NTNG1: variants seen among roughly 807,000 people sequenced by gnomAD.
NTNG1 encodes netrin-G1.
In NTNG1, 16 loss-of-function variants were observed where a neutral mutation model predicts 54.0. The observed-to-expected ratio is 0.30, with a 90% confidence interval of 0.20 to 0.45. The LOEUF is 0.45. Among genes scored for constraint, NTNG1 ranks in the 20% least tolerant of loss-of-function variants. The pLI is 1.00. For synonymous variants in NTNG1, 255 were observed against 263.1 expected, an observed-to-expected ratio of 0.97 and a Z score of 0.30; for missense variants, 530 against 678.7, an observed-to-expected ratio of 0.78 and a Z score of 2.43.
At chr1:107,287,270 A>T (rs1665257344) in intron 2 of NTNG1, among the ~76,000 whole-genome samples, 1 of 152,224 alleles carries the variant, frequency 6.6e-6, no homozygotes, top group African/African-American at 2.4e-5. Flanking sequence ...CAATAAAAAA[A>T]AAGGCGATGA....
chr1:107,347,928 C>T (rs968541860), intron 3 of NTNG1, among the ~76,000 whole-genome samples: 11 of 152,076 alleles, frequency 7.2e-5, no homozygotes, highest in African/African-American at 2.7e-4. Flanking sequence ...GATCCAATTA[C>T]TTCCACTTGG....
chr1:107,255,142 G>A (rs572804239), intron 2 of NTNG1, among the ~76,000 whole-genome samples: 53 of 152,226 alleles, frequency 3.5e-4, no homozygotes, highest in African/African-American at 1.3e-3. Context: ...AACCAAAATA[G>A]TAAAATAATT....
chr1:107,198,080 A>G (rs1316153482), intron 2 of NTNG1, among the ~76,000 whole-genome samples: 3 of 152,006 alleles, frequency 2.0e-5, no homozygotes, highest in Non-Finnish European at 4.4e-5. Flanking sequence ...TTTCAGTAAA[A>G]TTTAAAATGT....
At chr1:107,246,331 G>T (rs1474291265) in intron 2 of NTNG1, among the ~76,000 whole-genome samples, 2 of 151,754 alleles carry the variant, frequency 1.3e-5, no homozygotes, top group Admixed American at 1.3e-4. Flanking sequence ...GGGATTACAG[G>T]CTTGAGTTTA....
At chr1:107,408,341 T>C (rs1192133743) in intron 5 of NTNG1, 1 of 156,136 alleles carries the variant, frequency 6.4e-6, no homozygotes, top group Admixed American at 6.3e-5. Context: ...TAGCTTTGAG[T>C]TTGATATAGA....
intron 7 of NTNG1, among the ~76,000 whole-genome samples, chr1:107,474,283 T>G (rs1678172308): frequency 6.6e-6 from 1 of 152,108 alleles, no homozygotes; most frequent in African/African-American, 2.4e-5. Context: ...CAGAATAAGT[T>G]TAGAGTTTTC....
At chr1:107,312,887 A>G (rs146475071) in intron 2 of NTNG1, among the ~76,000 whole-genome samples, 1 of 152,176 alleles carries the variant, frequency 6.6e-6, no homozygotes, top group African/African-American at 2.4e-5. Context: ...CAATAGAAAT[A>G]CCTTTTTTTT....
At position 107,166,752 on chromosome 1, in the gene NTNG1, A is replaced by G. The variant is rs113119434; in HGVS notation, c.246+17913A>G. 7.1e-3 allele frequency among the ~76,000 whole-genome samples: 1,083 copies of G among 152,226 alleles called. 10 individuals carry two copies. Among genetic ancestry groups the G allele is most frequent in the African/African-American group, 0.025 (1,023 of 41,538 alleles). On this transcript the variant is annotated intron_variant, in intron 2 of 7. Transcript: ENST00000370068. The stretch of plus-strand genomic sequence containing the variant: ...GACTGTGAAACCAAAAGTACAAGAA[A>G]AAGTCACTCTTAATAACATACCAGA...
At chr1:107,164,863 C>T (rs184113999) in intron 2 of NTNG1, among the ~76,000 whole-genome samples, 68 of 152,264 alleles carry the variant, frequency 4.5e-4, no homozygotes, top group African/African-American at 1.4e-3. Context: ...GTGCAACTTG[C>T]GACTGAATAA....
chr1:107,423,767 A>T (rs1336025949), intron 5 of NTNG1, among the ~76,000 whole-genome samples: 1 of 152,136 alleles, frequency 6.6e-6, no homozygotes, highest in Admixed American at 6.6e-5. Flanking sequence ...CAGCTAAAAT[A>T]ATCACTAACT....
At chr1:107,310,986 G>A (rs757184049) in intron 2 of NTNG1, among the ~76,000 whole-genome samples, 2 of 152,042 alleles carry the variant, frequency 1.3e-5, no homozygotes, top group Non-Finnish European at 2.9e-5. Context: ...AATCAACCTC[G>A]GAACTCAGGT....
chr1:107,378,407 TA>T (rs1170795923), intron 3 of NTNG1, among the ~76,000 whole-genome samples: 87 of 152,192 alleles, frequency 5.7e-4, no homozygotes, highest in African/African-American at 2.0e-3. Context: ...GACCGGAATG[TA>T]AAAATCAGGG....
chr1:107,185,481 A>G (rs1657384474), intron 2 of NTNG1, among the ~76,000 whole-genome samples: 1 of 152,114 alleles, frequency 6.6e-6, no homozygotes, highest in Admixed American at 6.6e-5. Flanking sequence ...TTCTTCTTAG[A>G]AGGACACAAA....
At chr1:107,437,928 T>C (rs1397315459) in intron 7 of NTNG1, among the ~76,000 whole-genome samples, 1 of 152,164 alleles carries the variant, frequency 6.6e-6, no homozygotes, top group African/African-American at 2.4e-5. Context: ...TTTGCTTGCT[T>C]TTCACTTGAA....
intron 3 of NTNG1, among the ~76,000 whole-genome samples, chr1:107,333,190 A>T (rs374181900): frequency 6.6e-6 from 1 of 152,156 alleles, no homozygotes. Context: ...TTTTAAAATC[A>T]TTATCTACCT....
At chr1:107,368,241 C>T (rs1379461458) in intron 3 of NTNG1, among the ~76,000 whole-genome samples, 1 of 151,960 alleles carries the variant, frequency 6.6e-6, no homozygotes, top group Non-Finnish European at 1.5e-5. Context: ...TCCTTCTTTT[C>T]CTTCTCCCCC....
chr1:107,439,541 G>A (rs572832357), intron 7 of NTNG1, among the ~76,000 whole-genome samples: 1 of 152,208 alleles, frequency 6.6e-6, no homozygotes, highest in Non-Finnish European at 1.5e-5. Flanking sequence ...AATGGAATGG[G>A]TTGAAATTAG....
intron 2 of NTNG1, among the ~76,000 whole-genome samples, chr1:107,192,121 T>C (rs892276672): frequency 2.0e-5 from 3 of 152,156 alleles, no homozygotes; most frequent in Non-Finnish European, 2.9e-5. Context: ...TGGTTTGTAG[T>C]TCTCCTTGAA....
intron 5 of NTNG1, among the ~76,000 whole-genome samples, chr1:107,416,435 G>T (rs17018956): frequency 1.3e-5 from 2 of 152,012 alleles, no homozygotes; most frequent in East Asian, 1.9e-4. Flanking sequence ...TGTAAGTGAG[G>T]TGTCTATCTT....
Sources: gnomAD v4.1 joint callset for allele counts (sites outside exome capture counted in the v4.1 genomes callset) on GRCh38, gnomAD v4.1.1 for gene constraint, MANE v1.5 for transcripts, NCBI Gene and HGNC (gene_info 2026-07-23, HGNC 2026-07-21) for gene names.